Variants in RPN2 observed in about 807,000 individuals in gnomAD.
RPN2 encodes the protein ribophorin II, also known as dolichyl-diphosphooligosaccharide--protein glycosyltransferase subunit 2.
In RPN2, 29 loss-of-function variants were observed where a neutral mutation model predicts 71.4. The ratio of observed to expected loss-of-function variants is 0.41; its 90% CI spans 0.30 to 0.55. RPN2 has a LOEUF of 0.55. Among genes scored for constraint, RPN2 ranks in the 20% least tolerant of loss-of-function variants. RPN2 has a pLI of 0.35. For missense variants in RPN2, 726 were observed against 774.1 expected, an observed-to-expected ratio of 0.94 and a Z score of 0.74; for synonymous variants, 308 against 305.0, an observed-to-expected ratio of 1.01 and a Z score of -0.10.
rs1397361580 is a variant in RPN2, at chr20:37,213,610, C to T, written c.987-150C>T. ...CTCAAAATAAAAAAAAAATAAGAAGCACGAGATTGCCCAAGTGGGGTGGGA... is the reference window on the plus strand; with the variant it reads ...CTCAAAATAAAAAAAAAATAAGAAGTACGAGATTGCCCAAGTGGGGTGGGA... On this transcript the variant is annotated intron_variant, in intron 8 of 16. Transcript: ENST00000237530. The T allele has an allele frequency of 7.4e-6, 5 of 679,428 alleles. No homozygotes were observed. The East Asian group carries it at 1.1e-4, about 15-fold the overall frequency. The allele number at this position is 679,428 out of a possible 1,614,324, so 42.1% of individuals were successfully genotyped here. A position where few individuals can be genotyped will look rare whatever the true frequency, so the allele number is the denominator to read the frequency against.
At position 37,204,871 on chromosome 20, in the gene RPN2, T is replaced by C; in HGVS notation, c.660T>C (p.Asp220=). ...TGGCTGCCACCTACAAGCTCATGGA[T>C]CATGTGGGGACTGAGCCATCCATTA... ...LFVAATYKLM[D]HVGTEPSIKE... Residue 220 remains aspartate, a synonymous_variant, in exon 6 of 17, where the codon GAT becomes GAC. Transcript: ENST00000237530. 1 of 1,614,084 alleles carries C rather than the reference T, an allele frequency of 6.2e-7. No individual in the cohort carries two copies. Among genetic ancestry groups the C allele is most frequent in the Non-Finnish European group, 8.5e-7 (1 of 1,180,028 alleles).
intron 4 of RPN2, among the ~76,000 whole-genome samples, chr20:37,202,607 C>T (rs1433346386): frequency 6.6e-6 from 1 of 152,150 alleles, no homozygotes; most frequent in Non-Finnish European, 1.5e-5. Flanking sequence ...TCCAAATTAT[C>T]TGTATTAAGA....
intron 13 of RPN2, 59 bp downstream of exon 13, chr20:37,230,118 G>A (rs919785698): frequency 1.1e-5 from 14 of 1,265,588 alleles, no homozygotes; most frequent in Admixed American, 8.4e-5. Flanking sequence ...CAAAGCCCTG[G>A]ACAGTGGCTC....
Position 37,225,631 on chromosome 20 carries a change from C to T in RPN2, c.1185-57C>T, listed in dbSNP as rs867887668. On this transcript the variant is annotated intron_variant, in intron 10 of 16. Coordinates refer to ENST00000237530, the MANE Select transcript of RPN2 (RefSeq NM_002951.5). ...ATGAAGTGAAGTATATATTTTCTGCCTGTTCTCAGAGATATACTGATCCTC... is the reference window on the plus strand; with the variant it reads ...ATGAAGTGAAGTATATATTTTCTGCTTGTTCTCAGAGATATACTGATCCTC... 7 of 1,134,222 alleles carry T rather than the reference C, an allele frequency of 6.2e-6. No individual in the cohort carries two copies. In the Middle Eastern group the frequency reaches 9.8e-4, roughly 158 times the overall value. The allele number at this position is 1,134,222 out of a possible 1,614,324, so 70.3% of individuals were successfully genotyped here.
chr20:37,227,137 C>T (rs2068096631), intron 11 of RPN2, among the ~76,000 whole-genome samples: 1 of 152,250 alleles, frequency 6.6e-6, no homozygotes, highest in Non-Finnish European at 1.5e-5. Context: ...CTCCAGACAG[C>T]TTGGTTAGGG....
At chr20:37,230,355 C>T (rs184366375) in intron 13 of RPN2, among the ~76,000 whole-genome samples, 1 of 152,332 alleles carries the variant, frequency 6.6e-6, no homozygotes, top group Admixed American at 6.5e-5. Context: ...GCTATGAGCG[C>T]AGATGGTTCT....
At chr20:37,218,373 A>G (rs2067869385) in intron 9 of RPN2, among the ~76,000 whole-genome samples, 1 of 151,948 alleles carries the variant, frequency 6.6e-6, no homozygotes, top group Non-Finnish European at 1.5e-5. Context: ...TGATCACACT[A>G]CTGCACTCTA....
At chr20:37,207,763 C>T (rs1311895534) in intron 7 of RPN2, among the ~76,000 whole-genome samples, 1 of 152,162 alleles carries the variant, frequency 6.6e-6, no homozygotes, top group Non-Finnish European at 1.5e-5. Context: ...TTCACTGCTG[C>T]ATCCACCTCC....
At chr20:37,223,527 C>T (rs2068007495) in intron 9 of RPN2, among the ~76,000 whole-genome samples, 1 of 152,192 alleles carries the variant, frequency 6.6e-6, no homozygotes, top group Admixed American at 6.5e-5. Flanking sequence ...TCATTAGAAC[C>T]CAATTCTTGC....
chr20:37,195,997 G>C (rs1249537153), intron 2 of RPN2, among the ~76,000 whole-genome samples: 2 of 151,952 alleles, frequency 1.3e-5, no homozygotes, highest in East Asian at 3.9e-4. Context: ...CAAAATAGCT[G>C]TTAGTGAAAG....
At chr20:37,206,825 C>T (rs948750873) in intron 6 of RPN2, among the ~76,000 whole-genome samples, 1 of 152,066 alleles carries the variant, frequency 6.6e-6, no homozygotes, top group Non-Finnish European at 1.5e-5. Flanking sequence ...TCTCGTGCCT[C>T]AGCCTCTTGA....
intron 10 of RPN2, among the ~76,000 whole-genome samples, chr20:37,224,510 C>T (rs545469788): frequency 1.3e-5 from 2 of 152,170 alleles, no homozygotes; most frequent in Non-Finnish European, 2.9e-5. Flanking sequence ...TTCCCCCTCC[C>T]AAGTCCATGG....
intron 9 of RPN2, among the ~76,000 whole-genome samples, chr20:37,217,568 G>A (rs2067843382): frequency 6.6e-6 from 1 of 152,112 alleles, no homozygotes; most frequent in African/African-American, 2.4e-5. Flanking sequence ...TGGGATTACA[G>A]GCGTGAGCCA....
At chr20:37,200,016 A>G (rs1421174416) in intron 4 of RPN2, among the ~76,000 whole-genome samples, 2 of 149,022 alleles carry the variant, frequency 1.3e-5, no homozygotes, top group Non-Finnish European at 3.0e-5. Flanking sequence ...TTTTTTTGAG[A>G]CGTGGTCTTA....
chr20:37,212,821 G>A (rs987303511), intron 8 of RPN2, among the ~76,000 whole-genome samples: 1 of 152,114 alleles, frequency 6.6e-6, no homozygotes, highest in African/African-American at 2.4e-5. Context: ...AAGTTATTGA[G>A]ATCAGGAGTT....
intron 16 of RPN2, among the ~76,000 whole-genome samples, chr20:37,237,806 A>G (rs941775038): frequency 6.6e-6 from 1 of 152,116 alleles, no homozygotes; most frequent in African/African-American, 2.4e-5. Flanking sequence ...GCAAAGCAGA[A>G]CCCTGTTCCC....
chr20:37,184,498 A>G (rs2066962768), intron 2 of RPN2, 125 bp downstream of exon 2: 2 of 923,068 alleles, frequency 2.2e-6, no homozygotes, highest in Admixed American at 2.0e-5. Flanking sequence ...TTAATCCAAT[A>G]TAAGAAATAT....
At chr20:37,212,273 T>A (rs1166621242) in intron 8 of RPN2, among the ~76,000 whole-genome samples, 1 of 151,934 alleles carries the variant, frequency 6.6e-6, no homozygotes, top group Non-Finnish European at 1.5e-5. Flanking sequence ...AGGGAGACTC[T>A]GTCTCAAAAA....
chr20:37,223,005 C>T (rs1291662532), intron 9 of RPN2, among the ~76,000 whole-genome samples: 1 of 152,102 alleles, frequency 6.6e-6, no homozygotes, highest in Non-Finnish European at 1.5e-5. Flanking sequence ...TTATTTTTTC[C>T]CCACGCTAGA....
Sources: gnomAD v4.1 joint callset for allele counts (sites outside exome capture counted in the v4.1 genomes callset) on GRCh38, gnomAD v4.1.1 for gene constraint, MANE v1.5 for transcripts, NCBI Gene and HGNC (gene_info 2026-07-23, HGNC 2026-07-21) for gene names.